Variants in PPP2R2D observed in about 807,000 individuals in gnomAD.
The protein encoded by PPP2R2D is serine/threonine-protein phosphatase 2A 55 kDa regulatory subunit B delta isoform.
PPP2R2D carries 9 observed loss-of-function variants against 31.1 expected under a neutral mutation model. The observed-to-expected ratio is 0.29, with a 90% CI of 0.17 to 0.51. The LOEUF (loss-of-function observed/expected upper bound fraction) is 0.51, where lower values mean the gene tolerates loss of function less well. Ranked by LOEUF, PPP2R2D falls within the 20% of genes least tolerant of loss-of-function variation. PPP2R2D has a pLI of 0.98. For missense variants in PPP2R2D, 391 were observed against 465.6 expected, an observed-to-expected ratio of 0.84 and a Z score of 1.48; for synonymous variants, 179 against 172.6, an observed-to-expected ratio of 1.04 and a Z score of -0.29.
At chr10:131,931,211 T>C (rs1842724860) in intron 2 of PPP2R2D, among the ~76,000 whole-genome samples, 1 of 152,180 alleles carries the variant, frequency 6.6e-6, no homozygotes. Flanking sequence ...TTGTGCGTGG[T>C]TAGGATAGCA....
At chr10:131,950,424 T>G (rs2036616021) in intron 8 of PPP2R2D, among the ~76,000 whole-genome samples, 3 of 151,912 alleles carry the variant, frequency 2.0e-5, no homozygotes. Flanking sequence ...GCAAATTACC[T>G]CTGAGAGCGG....
intron 3 of PPP2R2D, chr10:131,939,830 C>T (rs2036410650): frequency 2.9e-6 from 1 of 348,436 alleles, no homozygotes; most frequent in African/African-American, 2.1e-5. Flanking sequence ...AGATGCATAC[C>T]TAGAAGTGGA....
At chr10:131,931,538 G>C (rs1257705253) in intron 2 of PPP2R2D, among the ~76,000 whole-genome samples, 4 of 152,140 alleles carry the variant, frequency 2.6e-5, no homozygotes, top group African/African-American at 7.2e-5. Flanking sequence ...AGTAGAGATG[G>C]GGCTTTGCCA....
intron 8 of PPP2R2D, among the ~76,000 whole-genome samples, 194 bp from the exon 9 acceptor site, chr10:131,955,490 A>G (rs184559582): frequency 6.8e-4 from 104 of 152,328 alleles, no homozygotes; most frequent in African/African-American, 2.3e-3. Context: ...TACTGACATG[A>G]TTATAGATAA....
chr10:131,911,935 C>G (rs1375604913), intron 2 of PPP2R2D: 2 of 152,174 alleles, frequency 1.3e-5, no homozygotes, highest in Non-Finnish European at 2.9e-5. Flanking sequence ...AATGATAGAA[C>G]AGCTGAGAAC....
At chr10:131,962,029 C>T (rs529666486), downstream of PPP2R2D, among the ~76,000 whole-genome samples, 7 of 152,342 alleles carry the variant, frequency 4.6e-5, no homozygotes, top group East Asian at 7.7e-4. Context: ...GCACTGCCCT[C>T]CGGGGAGCAC....
At chr10:131,925,318 A>C (rs1554894765) in intron 2 of PPP2R2D, among the ~76,000 whole-genome samples, 1 of 152,114 alleles carries the variant, frequency 6.6e-6, no homozygotes, top group African/African-American at 2.4e-5. Flanking sequence ...AGGAAGTTGC[A>C]TTTTATTCTT....
chr10:131,953,011 ACTGT>A (rs2036707740), intron 8 of PPP2R2D, among the ~76,000 whole-genome samples: 3 of 95,638 alleles, frequency 3.1e-5, no homozygotes, highest in Admixed American at 1.4e-4. Context: ...CAGGGGGTTC[ACTGT>A]CTTAGTGACT....
At chr10:131,928,092 A>G (rs983064925) in intron 2 of PPP2R2D, among the ~76,000 whole-genome samples, 5 of 152,208 alleles carry the variant, frequency 3.3e-5, no homozygotes, top group Admixed American at 6.5e-5. Context: ...AGTCAGTCTC[A>G]TTTCAGCTGG....
At position 131,940,587 on chromosome 10, in the gene PPP2R2D, A is replaced by T; in HGVS notation, c.370A>T (p.Thr124Ser). ...AATGAGGTTTTTATTTTCAGATAAAACTATAAAATTATGGAAAATAAGTGA... is the reference window on the plus strand; with the variant it reads ...AATGAGGTTTTTATTTTCAGATAAATCTATAAAATTATGGAAAATAAGTGA... ...AHFLLSTNDK[T>S]IKLWKISERD... is the part of the protein sequence containing the mutation. Residue 124 changes from threonine to serine, a missense_variant, in exon 5 of 9, where the codon ACT (threonine) becomes TCT (serine). Physicochemically the swap from Thr to Ser is moderately conservative, Grantham distance 58. Around this residue, in one of 3 missense-constraint regions of PPP2R2D, gnomAD observed 105 missense variants for 98.5 expected, o/e 1.07. Transcript: ENST00000455566. The T allele has an allele frequency of 1.3e-6, 1 of 756,106 alleles. No homozygotes were observed. Among genetic ancestry groups the T allele is most frequent in the Non-Finnish European group, 2.5e-6 (1 of 406,322 alleles). 46.8% of individuals were successfully genotyped at this position (756,106 alleles called of 1,614,324 possible).
At chr10:131,909,764 C>G (rs993210674) in intron 2 of PPP2R2D, among the ~76,000 whole-genome samples, 2 of 152,144 alleles carry the variant, frequency 1.3e-5, no homozygotes, top group African/African-American at 2.4e-5. Context: ...ATCCAGAGAG[C>G]CTTTGTTTGT....
chr10:131,970,815 A>C, the PPP2R2D span: 2 of 1,614,188 alleles, frequency 1.2e-6, no homozygotes, highest in Non-Finnish European at 1.7e-6. This position sits in a 1 kb window ranked among gnomAD's most constrained non-coding sequence, Gnocchi z 4.1. Context: ...GTGTCAGCTG[A>C]TGTGTCCTCT....
chr10:131,966,723 G>A, the PPP2R2D span: 1 of 152,046 alleles, frequency 6.6e-6, no homozygotes, highest in Non-Finnish European at 1.5e-5. Flanking sequence ...GCTAATTTTT[G>A]TATTTTGTGT....
chr10:131,913,505 G>A (rs1025419444), intron 2 of PPP2R2D, among the ~76,000 whole-genome samples: 3 of 152,098 alleles, frequency 2.0e-5, no homozygotes, highest in Non-Finnish European at 2.9e-5. Flanking sequence ...CTCTGGAAAT[G>A]AAGAAAAAGG....
downstream of PPP2R2D, among the ~76,000 whole-genome samples, chr10:131,960,443 C>T (rs1254715012): frequency 2.0e-5 from 3 of 152,200 alleles, no homozygotes; most frequent in Non-Finnish European, 4.4e-5. Flanking sequence ...AAATGGAGCT[C>T]CTATGAACCA....
Position 131,945,336 on chromosome 10 carries a change from G to A in PPP2R2D, c.697G>A (p.Glu233Lys), listed in dbSNP as rs2036516416. The A allele has an allele frequency of 1.2e-6, 2 of 1,614,162 alleles. No individual in the cohort carries two copies. The highest frequency in any genetic ancestry group is 1.7e-6 in the Non-Finnish European group (2 of 1,180,016). ...IKPANMEELT[E>K]VITAAEFHPH... ...GCCTGCTAACATGGAGGAGCTGACC[G>A]AAGTCATCACTGCAGCCGAGTTCCA... is the stretch of plus-strand genomic sequence containing the variant. The change falls in exon 7 of 9, where the codon GAA becomes AAA. Residue 233 changes from glutamate to lysine, a missense_variant. Physicochemically the swap from Glu to Lys is moderately conservative, Grantham distance 56. Around this residue, in one of 3 missense-constraint regions of PPP2R2D, gnomAD observed 123 missense variants for 187.7 expected, o/e 0.66. Coordinates refer to ENST00000455566, the MANE Select transcript of PPP2R2D (RefSeq NM_018461.5). This position sits in a 1 kb window ranked among gnomAD's most constrained non-coding sequence, Gnocchi z 4.8.
intron 2 of PPP2R2D, among the ~76,000 whole-genome samples, chr10:131,901,667 G>C (rs1255657669): frequency 3.9e-5 from 6 of 152,194 alleles, no homozygotes; most frequent in Non-Finnish European, 8.8e-5. Context: ...TGCCTGGGGC[G>C]GAACTGAGGA....
At chr10:131,941,096 C>T (rs2036433165) in intron 5 of PPP2R2D, among the ~76,000 whole-genome samples, 1 of 152,122 alleles carries the variant, frequency 6.6e-6, no homozygotes, top group African/African-American at 2.4e-5. Context: ...CTGTGGGCCA[C>T]AGGTACATTC....
chr10:131,926,198 T>C (rs2036101661), intron 2 of PPP2R2D, among the ~76,000 whole-genome samples: 1 of 152,236 alleles, frequency 6.6e-6, no homozygotes, highest in Non-Finnish European at 1.5e-5. Flanking sequence ...AGAGTCTTAC[T>C]GGGTCTCGGA....
Sources: allele counts gnomAD v4.1 joint callset (sites outside exome capture counted in the v4.1 genomes callset), GRCh38; gene constraint gnomAD v4.1.1; regional missense constraint gnomAD v4.1.1; non-coding constraint Gnocchi (gnomAD v3.1); transcripts MANE v1.5; gene names NCBI Gene and HGNC (gene_info 2026-07-23, HGNC 2026-07-21).